The following GRM1 variants were observed in gnomAD, a reference collection of about 807,000 sequenced individuals.
GRM1 encodes metabotropic glutamate receptor 1.
GRM1 carries 33 observed loss-of-function variants against 90.9 expected under a neutral mutation model. The observed-to-expected ratio is 0.36, with a 90% CI of 0.28 to 0.49. The LOEUF is 0.49. GRM1 is among the 20% of genes least tolerant of loss of function. GRM1 has a pLI of 0.99. For synonymous variants in GRM1, 700 were observed against 613.2 expected (o/e 1.14, Z -2.09); for missense variants, 1,190 against 1,534.3 (o/e 0.78, Z 3.75).
chr6:146,308,636 T>C (rs1783664549), intron 3 of GRM1, among the ~76,000 whole-genome samples: 2 of 152,202 alleles, frequency 1.3e-5, no homozygotes, highest in South Asian at 4.1e-4. Context: ...TATAATTTTT[T>C]TCTGATGATG....
At chr6:146,109,549 C>A (rs925333887) in intron 1 of GRM1, among the ~76,000 whole-genome samples, 4 of 152,202 alleles carry the variant, frequency 2.6e-5, no homozygotes. Context: ...CATGGAGAAC[C>A]TCTGCTAGGG....
intron 1 of GRM1, among the ~76,000 whole-genome samples, chr6:146,081,420 G>A (rs371910046): frequency 6.6e-6 from 1 of 152,162 alleles, no homozygotes; most frequent in East Asian, 1.9e-4. Context: ...TACTGAATTA[G>A]TAATAGCTAG....
chr6:146,108,759 A>G (rs1775429038), intron 1 of GRM1, among the ~76,000 whole-genome samples: 1 of 152,216 alleles, frequency 6.6e-6, no homozygotes, highest in Admixed American at 6.5e-5. Context: ...GGAACTCCCT[A>G]GAGACTTGCT....
At chr6:146,109,717 T>C (rs1365616894) in intron 1 of GRM1, among the ~76,000 whole-genome samples, 3 of 152,020 alleles carry the variant, frequency 2.0e-5, no homozygotes, top group African/African-American at 7.3e-5. Context: ...CCATAGATAC[T>C]CAATTCCGGC....
chr6:146,081,973 G>T (rs550962190), intron 1 of GRM1, among the ~76,000 whole-genome samples: 1 of 152,186 alleles, frequency 6.6e-6, no homozygotes, highest in East Asian at 1.9e-4. Flanking sequence ...GGATTTTAGC[G>T]AGTAGAGACG....
intron 1 of GRM1, among the ~76,000 whole-genome samples, chr6:146,132,736 G>A (rs1469419179): frequency 6.6e-6 from 1 of 152,120 alleles, no homozygotes; most frequent in Non-Finnish European, 1.5e-5. Context: ...TTTCCCTGGG[G>A]AAGTCTGTCT....
intron 7 of GRM1, among the ~76,000 whole-genome samples, chr6:146,401,265 T>C (rs140145209): frequency 6.6e-6 from 1 of 152,108 alleles, no homozygotes; most frequent in Non-Finnish European, 1.5e-5. Context: ...TCTTGGTATA[T>C]CAATTTTTAA....
intron 3 of GRM1, among the ~76,000 whole-genome samples, chr6:146,317,244 G>A (rs143117616): frequency 6.6e-6 from 1 of 152,288 alleles, no homozygotes; most frequent in East Asian, 1.9e-4. Context: ...GACCTTGTCA[G>A]CTTGCTCTTT....
intron 2 of GRM1, among the ~76,000 whole-genome samples, chr6:146,230,244 G>A (rs1780400971): frequency 6.6e-6 from 1 of 152,094 alleles, no homozygotes; most frequent in Non-Finnish European, 1.5e-5. Flanking sequence ...TAGGCTGGGA[G>A]AAAATATTAA....
chr6:146,064,647 G>T (rs934986220), intron 1 of GRM1, among the ~76,000 whole-genome samples: 2 of 151,198 alleles, frequency 1.3e-5, no homozygotes, highest in Non-Finnish European at 2.9e-5. Flanking sequence ...AAAACAAGGG[G>T]TCAGATTTGT....
At chr6:146,122,134 G>T (rs1776013287) in intron 1 of GRM1, among the ~76,000 whole-genome samples, 1 of 152,116 alleles carries the variant, frequency 6.6e-6, no homozygotes, top group African/African-American at 2.4e-5. Flanking sequence ...TAATGGTAAA[G>T]GGATATATTT....
chr6:146,393,183 T>C (rs1291747671), intron 6 of GRM1, among the ~76,000 whole-genome samples: 1 of 152,176 alleles, frequency 6.6e-6, no homozygotes, highest in East Asian at 1.9e-4. Context: ...CTCCATATCC[T>C]CTCCAGCATC....
intron 1 of GRM1, among the ~76,000 whole-genome samples, chr6:146,040,227 G>A (rs1400589985): frequency 2.0e-5 from 3 of 151,972 alleles, no homozygotes; most frequent in South Asian, 4.1e-4. Flanking sequence ...CAGTGACAAA[G>A]AAAGCTGATG....
rs557774436 is a variant in GRM1 at position 146,116,142 on chromosome 6, A to G, written c.701-43206A>G. On this transcript the variant is annotated intron_variant, in intron 1 of 7. Coordinates refer to ENST00000282753, the MANE Select transcript of GRM1 (RefSeq NM_001278064.2). The stretch of plus-strand genomic sequence containing the variant: ...ATTTTTGTATTTTTAATAATAGTAG[A>G]GACAGTGTTTAGCTATGTTGGCCAG... Among the ~76,000 whole-genome samples the G allele has an allele frequency of 2.6e-5, 4 of 152,134 alleles. No homozygotes were observed. The East Asian group carries it at 5.8e-4, about 22-fold the overall frequency.
chr6:146,157,991 A>G (rs1777579406), intron 1 of GRM1, among the ~76,000 whole-genome samples: 1 of 152,220 alleles, frequency 6.6e-6, no homozygotes, highest in Non-Finnish European at 1.5e-5. Flanking sequence ...ATATTTAATC[A>G]TTAATGAAAT....
intron 2 of GRM1, among the ~76,000 whole-genome samples, chr6:146,238,073 A>G (rs7773948): frequency 0.097 from 14,766 of 152,082 alleles, 1,886 homozygotes; most frequent in African/African-American, 0.29. Context: ...TATGTATTTT[A>G]TGTTGTTTTT....
chr6:146,030,445 G>C (rs370618874), intron 1 of GRM1, among the ~76,000 whole-genome samples: 1 of 151,358 alleles, frequency 6.6e-6, no homozygotes, highest in Non-Finnish European at 1.5e-5. Flanking sequence ...GAGCTGAAAG[G>C]GTATCAAACT....
At chr6:146,345,324 T>C (rs1785142660) in intron 3 of GRM1, among the ~76,000 whole-genome samples, 1 of 152,212 alleles carries the variant, frequency 6.6e-6, no homozygotes, top group South Asian at 2.1e-4. Context: ...CTTGTCAAGT[T>C]ATAGATATTT....
chr6:146,424,521 A>G (rs1362815110), intron 7 of GRM1, among the ~76,000 whole-genome samples: 2 of 152,212 alleles, frequency 1.3e-5, no homozygotes, highest in Non-Finnish European at 2.9e-5. Context: ...CGCATGCTCT[A>G]TTTCCCCATT....
Sources: allele counts gnomAD v4.1 joint callset (sites outside exome capture counted in the v4.1 genomes callset), GRCh38; gene constraint gnomAD v4.1.1; transcripts MANE v1.5; gene names NCBI Gene and HGNC (gene_info 2026-07-23, HGNC 2026-07-21).